P2RY2: variants seen among roughly 807,000 people sequenced by gnomAD.
P2RY2 encodes the protein purinergic receptor P2Y2, also known as P2Y purinoceptor 2.
For missense variants in P2RY2, 567 were observed against 515.7 expected (o/e 1.10, Z -0.96); for synonymous variants, 241 against 231.9 (o/e 1.04, Z -0.35).
Position 73,235,752 on chromosome 11 carries a change from G to C in P2RY2, c.*459G>C. 4 of 1,004,714 alleles carry C rather than the reference G, an allele frequency of 4.0e-6. No homozygotes were observed. The highest frequency in any genetic ancestry group is 4.8e-6 in the Non-Finnish European group (4 of 833,276). The allele number at this position is 1,004,714 out of a possible 1,614,324, so 62.2% of individuals were successfully genotyped here. On this transcript the variant is annotated 3_prime_UTR_variant, in exon 3 of 3. Transcript: ENST00000393597. ...GCCAGAAAACCCTGGTAAGTAATGA[G>C]GGCTGAGTTTGCACAGTGGTCTGGA...
At position 73,236,642 on chromosome 11, in the gene P2RY2, G is replaced by A. The variant is rs2135650661; in HGVS notation, c.*1349G>A. ...GGCAGGGTTGGGGCTGGGTCACAAG[G>A]AGGCCAAGTTAGGGCTCCCTCCTTG... On this transcript the variant is annotated 3_prime_UTR_variant, in exon 3 of 3. Transcript: ENST00000393597. The A allele has an allele frequency of 1.0e-6, 1 of 985,398 alleles. No individual in the cohort carries two copies. The highest frequency in any genetic ancestry group is 1.2e-6 in the Non-Finnish European group (1 of 829,924). The allele number at this position is 985,398 out of a possible 1,614,324, so 61.0% of individuals were successfully genotyped here.
Position 73,234,855 on chromosome 11 carries a change from C to A in P2RY2, c.696C>A (p.Thr232=). The A allele has an allele frequency of 6.2e-7, 1 of 1,610,570 alleles. No individual in the cohort carries two copies. The change falls in exon 3 of 3, where the codon ACC becomes ACA. Residue 232 remains threonine (T), a synonymous_variant. Coordinates refer to ENST00000393597, the MANE Select transcript of P2RY2 (RefSeq NM_002564.4). ...GACTGCTAAAGCCAGCCTACGGGAC[C>A]TCGGGCGGCCTGCCTAGGGCCAAGC... The part of the protein sequence containing the change: ...ARRLLKPAYG[T]SGGLPRAKRK...
At chr11:73,225,679 G>A (rs141080048) in intron 1 of P2RY2, among the ~76,000 whole-genome samples, 1 of 152,332 alleles carries the variant, frequency 6.6e-6, no homozygotes, top group East Asian at 1.9e-4. Context: ...AGGATTCAAC[G>A]AGAGGAGGTA....
Position 73,241,310 on chromosome 11 carries a change from A to AG in P2RY2, c.*6020dup, listed in dbSNP as rs1420318498. 2 of 152,310 alleles carry AG rather than the reference A, an allele frequency of 1.3e-5. No homozygotes were observed. The highest frequency in any genetic ancestry group is 4.8e-5 in the African/African-American group (2 of 41,464). The allele number at this position is 152,310 out of a possible 1,614,324, so 9.4% of individuals were successfully genotyped here. ...GAGCAGCAGCTCTGGGGCAAAGGGG[A>AG]GGGTGGGGGCCACAGGGCAGCTGAT... On this transcript the variant is annotated 3_prime_UTR_variant, in exon 3 of 3. Coordinates refer to ENST00000393597, the MANE Select transcript of P2RY2 (RefSeq NM_002564.4).
At chr11:73,220,714 G>A (rs1455467603) in intron 1 of P2RY2, among the ~76,000 whole-genome samples, 1 of 152,180 alleles carries the variant, frequency 6.6e-6, no homozygotes, top group African/African-American at 2.4e-5. Flanking sequence ...GGGCTGTCTT[G>A]GAGTCTGGTC....
intron 1 of P2RY2, among the ~76,000 whole-genome samples, chr11:73,226,229 G>A (rs1790080): frequency 0.27 from 41,719 of 152,088 alleles, 7,091 homozygotes; most frequent in African/African-American, 0.48. Context: ...TTTGAAACCT[G>A]GAAGGATGGT....
intron 1 of P2RY2, among the ~76,000 whole-genome samples, chr11:73,220,155 T>C (rs1198736873): frequency 1.3e-5 from 2 of 152,164 alleles, no homozygotes; most frequent in African/African-American, 2.4e-5. Flanking sequence ...GGGAGCTCCA[T>C]GTCACTACAA....
chr11:73,224,527 C>T (rs139516340), intron 1 of P2RY2, among the ~76,000 whole-genome samples: 1 of 152,272 alleles, frequency 6.6e-6, no homozygotes, highest in African/African-American at 2.4e-5. Context: ...AGTGTGCCTC[C>T]CCTGACGTTG....
At position 73,234,739 on chromosome 11, in the gene P2RY2, C is replaced by T. The variant is rs775568637; in HGVS notation, c.580C>T (p.Arg194Cys). The part of the protein sequence containing the change: ...HDTSAPELFS[R>C]FVAYSSVMLG... ...CACCTCGGCACCCGAGCTCTTCAGC[C>T]GCTTCGTGGCCTACAGCTCAGTCAT... Residue 194 changes from arginine (R) to cysteine (C), a missense_variant, in exon 3 of 3, where the codon CGC becomes TGC. By Grantham distance (180) the Arg-to-Cys change is radical (BLOSUM62 -3). Transcript: ENST00000393597. 9 of 1,610,158 alleles carry T rather than the reference C, an allele frequency of 5.6e-6. No individual in the cohort carries two copies. The Admixed American group carries it at 8.3e-5, about 15-fold the overall frequency.
At chr11:73,234,124 C>A in intron 2 of P2RY2, 32 bp from the exon 3 acceptor site, 1 of 1,571,764 alleles carries the variant, frequency 6.4e-7, no homozygotes, top group Non-Finnish European at 8.6e-7. Flanking sequence ...CCGGCCACAA[C>A]CCTGATGGCC....
At chr11:73,226,247 C>T (rs1862275613) in intron 1 of P2RY2, among the ~76,000 whole-genome samples, 1 of 152,196 alleles carries the variant, frequency 6.6e-6, no homozygotes, top group Non-Finnish European at 1.5e-5. Context: ...GGTGGGGGCC[C>T]TTCTCAGAAA....
At position 73,237,767 on chromosome 11, in the gene P2RY2, C is replaced by T. The variant is rs1312779848; in HGVS notation, c.*2474C>T. Among the ~76,000 whole-genome samples the T allele has an allele frequency of 6.6e-6, 1 of 152,198 alleles. No individual in the cohort carries two copies. Among genetic ancestry groups the T allele is most frequent in the African/African-American group, 2.4e-5 (1 of 41,432 alleles). ...TTGGTATGCACGTCCCACCTTGCTGCTCAGTGCCCAGGCCACTTGCCTTGT... is the reference window on the plus strand; with the variant it reads ...TTGGTATGCACGTCCCACCTTGCTGTTCAGTGCCCAGGCCACTTGCCTTGT... On this transcript the variant is annotated 3_prime_UTR_variant, in exon 3 of 3. Coordinates refer to ENST00000393597, the MANE Select transcript of P2RY2 (RefSeq NM_002564.4).
Position 73,236,967 on chromosome 11 carries a change from C to CCT in P2RY2, c.*1677_*1678dup. ...TCAAGGACAGGGACTCCCTCCTCTC[C>CCT]CTCTGGGAGAGCCCTCGCCCTGTGG... is the stretch of plus-strand genomic sequence containing the variant. On this transcript the variant is annotated 3_prime_UTR_variant, in exon 3 of 3. Coordinates refer to ENST00000393597, the MANE Select transcript of P2RY2 (RefSeq NM_002564.4). The CCT allele has an allele frequency of 1.0e-6, 1 of 985,326 alleles. No individual in the cohort carries two copies. Among genetic ancestry groups the CCT allele is most frequent in the Non-Finnish European group, 1.2e-6 (1 of 829,872 alleles). The allele number at this position is 985,326 out of a possible 1,614,324, so 61.0% of individuals were successfully genotyped here.
At chr11:73,231,166 G>C (rs908449894) in intron 2 of P2RY2, among the ~76,000 whole-genome samples, 1 of 152,172 alleles carries the variant, frequency 6.6e-6, no homozygotes, top group Non-Finnish European at 1.5e-5. Flanking sequence ...GTCCATGGCA[G>C]GGGGAACAAG....
rs1217011135 is a variant in P2RY2 at position 73,241,870 on chromosome 11, A to C, written c.*6577A>C. ...GTAAAAACAGTCTCTCCGCTAAGCTATCCCAAAATGACCTGATTAGAGTGT... is the reference window on the plus strand; with the variant it reads ...GTAAAAACAGTCTCTCCGCTAAGCTCTCCCAAAATGACCTGATTAGAGTGT... On this transcript the variant is annotated 3_prime_UTR_variant, in exon 3 of 3. Coordinates refer to ENST00000393597, the MANE Select transcript of P2RY2 (RefSeq NM_002564.4). The C allele has an allele frequency of 6.6e-6, 1 of 152,276 alleles. No homozygotes were observed. Among genetic ancestry groups the C allele is most frequent in the Non-Finnish European group, 1.5e-5 (1 of 68,112 alleles). The allele number at this position is 152,276 out of a possible 1,614,324, so 9.4% of individuals were successfully genotyped here.
rs978294249 is a variant in P2RY2 at position 73,236,608 on chromosome 11, C to T, written c.*1315C>T. On this transcript the variant is annotated 3_prime_UTR_variant, in exon 3 of 3. Coordinates refer to ENST00000393597, the MANE Select transcript of P2RY2 (RefSeq NM_002564.4). ...CATAAGCAGGCTGGACAGCTGACTCCAGGCTCAAGGCAGGGTTGGGGCTGG... is the reference window on the plus strand; with the variant it reads ...CATAAGCAGGCTGGACAGCTGACTCTAGGCTCAAGGCAGGGTTGGGGCTGG... 3 of 985,300 alleles carry T rather than the reference C, an allele frequency of 3.0e-6. No individual in the cohort carries two copies. In the African/African-American group the frequency reaches 5.2e-5, roughly 17 times the overall value. The allele number at this position is 985,300 out of a possible 1,614,324, so 61.0% of individuals were successfully genotyped here.
At position 73,236,290 on chromosome 11, in the gene P2RY2, A is replaced by G. The variant is rs985737415; in HGVS notation, c.*997A>G. ...CTTCTTTGTAGAACTGCCCATTTCC[A>G]TGGTGCAAAAACTCTTATGGCCAAA... On this transcript the variant is annotated 3_prime_UTR_variant, in exon 3 of 3. Transcript: ENST00000393597. 2 of 609,990 alleles carry G rather than the reference A, an allele frequency of 3.3e-6. No homozygotes were observed. Among genetic ancestry groups the G allele is most frequent in the African/African-American group, 2.0e-5 (1 of 50,098 alleles). 37.8% of individuals were successfully genotyped at this position (609,990 alleles called of 1,614,324 possible). A position where few individuals can be genotyped will look rare whatever the true frequency, so the allele number is the denominator to read the frequency against.
chr11:73,218,933 G>A (rs564250323), intron 1 of P2RY2, among the ~76,000 whole-genome samples: 7 of 152,326 alleles, frequency 4.6e-5, no homozygotes, highest in African/African-American at 1.7e-4. Context: ...GTTGCAGGGA[G>A]TGGGCGGGGG....
Position 73,234,849 on chromosome 11 carries a change from C to CG in P2RY2, c.693dup (p.Thr232AspfsTer7). 1 of 1,610,592 alleles carries CG rather than the reference C, an allele frequency of 6.2e-7. No individual in the cohort carries two copies. The highest frequency in any genetic ancestry group is 1.6e-4 in the Middle Eastern group (1 of 6,062). On this transcript the variant is annotated frameshift_variant, in exon 3 of 3. Coordinates refer to ENST00000393597, the MANE Select transcript of P2RY2 (RefSeq NM_002564.4). LOFTEE classifies it low-confidence loss of function (END_TRUNC). ...CTCGGCGACTGCTAAAGCCAGCCTACGGGACCTCGGGCGGCCTGCCTAGGG... is the reference window on the plus strand; with the variant it reads ...CTCGGCGACTGCTAAAGCCAGCCTACGGGGACCTCGGGCGGCCTGCCTAGGG...
Sources: gnomAD v4.1 joint callset for allele counts (sites outside exome capture counted in the v4.1 genomes callset) on GRCh38, gnomAD v4.1.1 for gene constraint, MANE v1.5 for transcripts, NCBI Gene and HGNC (gene_info 2026-07-23, HGNC 2026-07-21) for gene names.